The following PHF24 variants were observed in gnomAD, a reference collection of about 807,000 sequenced individuals.
The protein encoded by PHF24 is PHD finger protein 24, also known as Galpha inhibitory interacting protein.
Under a neutral mutation model 42.6 loss-of-function variants are expected in PHF24, and 25 were observed. That is an observed-to-expected ratio of 0.59 (90% CI 0.43 to 0.82). The LOEUF (loss-of-function observed/expected upper bound fraction) is 0.82, where lower values mean the gene tolerates loss of function less well. PHF24 is among the 40% of genes least tolerant of loss of function. The pLI, the probability that PHF24 is intolerant of heterozygous loss-of-function variation, is 0.00. For missense variants in PHF24, 470 were observed against 538.1 expected (o/e 0.87, Z 1.25); for synonymous variants, 185 against 204.8 (o/e 0.90, Z 0.83).
the PHF24 span, among the ~76,000 whole-genome samples, chr9:34,787,107 C>A: frequency 6.6e-6 from 1 of 151,846 alleles, no homozygotes; most frequent in African/African-American, 2.4e-5. Flanking sequence ...CAAAGGGGAC[C>A]CAAATACATT....
At chr9:34,877,773 T>C in the PHF24 span, among the ~76,000 whole-genome samples, 3 of 152,092 alleles carry the variant, frequency 2.0e-5, no homozygotes, top group Non-Finnish European at 2.9e-5. Flanking sequence ...ATGTGCAGAA[T>C]GTGCAGTTTT....
At chr9:34,936,785 T>A in the PHF24 span, among the ~76,000 whole-genome samples, 2 of 136,722 alleles carry the variant, frequency 1.5e-5, no homozygotes, top group Non-Finnish European at 3.1e-5. Flanking sequence ...GTGAGGACCG[T>A]CTCTGCCCAG....
the PHF24 span, among the ~76,000 whole-genome samples, chr9:34,886,377 TG>T: frequency 6.6e-6 from 1 of 152,180 alleles, no homozygotes; most frequent in Non-Finnish European, 1.5e-5. Flanking sequence ...CATTATCTCT[TG>T]AATCCACTCC....
At chr9:34,666,580 A>ATTTTTTTTTTTT in the PHF24 span, among the ~76,000 whole-genome samples, 1 of 134,556 alleles carries the variant, frequency 7.4e-6, no homozygotes. Flanking sequence ...TGCTACATTC[A>ATTTTTTTTTTTT]TTCAATCAAC....
At chr9:34,782,100 A>T in the PHF24 span, among the ~76,000 whole-genome samples, 1 of 152,208 alleles carries the variant, frequency 6.6e-6, no homozygotes, top group Admixed American at 6.5e-5. Flanking sequence ...GATGAAACTG[A>T]GGGAGTAAAT....
chr9:34,671,017 G>A, the PHF24 span, among the ~76,000 whole-genome samples: 2 of 152,208 alleles, frequency 1.3e-5, no homozygotes, highest in African/African-American at 4.8e-5. Flanking sequence ...AGCAGGTTCA[G>A]CTCCCCTATC....
the PHF24 span, among the ~76,000 whole-genome samples, chr9:34,909,263 T>C: frequency 6.6e-6 from 1 of 152,182 alleles, no homozygotes; most frequent in Non-Finnish European, 1.5e-5. Flanking sequence ...TATACCTGGC[T>C]CTTCCCTTAT....
the PHF24 span, among the ~76,000 whole-genome samples, chr9:34,749,783 C>T: frequency 2.6e-5 from 4 of 150,956 alleles, no homozygotes; most frequent in African/African-American, 9.8e-5. Context: ...TGCCCCCCAT[C>T]CCCCGCTGTC....
At chr9:34,888,027 A>G in the PHF24 span, among the ~76,000 whole-genome samples, 2 of 152,048 alleles carry the variant, frequency 1.3e-5, no homozygotes, top group South Asian at 4.2e-4. Context: ...GGGTTTCTCC[A>G]GTGAGTCACT....
At chr9:34,875,895 G>A in the PHF24 span, among the ~76,000 whole-genome samples, 9 of 139,452 alleles carry the variant, frequency 6.5e-5, no homozygotes, top group South Asian at 2.4e-4. Context: ...GCAAAAGCTC[G>A]TCTCTCTCTC....
At chr9:34,867,987 T>C in the PHF24 span, among the ~76,000 whole-genome samples, 4 of 152,172 alleles carry the variant, frequency 2.6e-5, no homozygotes, top group South Asian at 4.1e-4. Context: ...CAGGGGACTG[T>C]TGATTTTGGT....
the PHF24 span, among the ~76,000 whole-genome samples, chr9:34,815,662 A>G: frequency 6.6e-6 from 1 of 152,094 alleles, no homozygotes; most frequent in African/African-American, 2.4e-5. Context: ...TTCTGCCCTC[A>G]CAGATCCCAT....
chr9:34,847,093 G>T, the PHF24 span, among the ~76,000 whole-genome samples: 1 of 152,042 alleles, frequency 6.6e-6, no homozygotes, highest in Non-Finnish European at 1.5e-5. Flanking sequence ...GCTCTTTTTT[G>T]GTTCCATATG....
the PHF24 span, chr9:34,725,914 C>T: frequency 5.8e-6 from 9 of 1,551,888 alleles, no homozygotes; most frequent in South Asian, 1.2e-5. Flanking sequence ...CAACCAGGGA[C>T]TCACTGTGCA....
chr9:34,902,650 T>C, the PHF24 span, among the ~76,000 whole-genome samples: 1 of 147,642 alleles, frequency 6.8e-6, no homozygotes, highest in African/African-American at 2.5e-5. Context: ...TAAGACCCTG[T>C]CTCAAAAAAA....
At chr9:34,813,751 G>T in the PHF24 span, among the ~76,000 whole-genome samples, 1 of 152,306 alleles carries the variant, frequency 6.6e-6, no homozygotes, top group East Asian at 1.9e-4. Context: ...TCATGGGAGT[G>T]ACTTCTGCTC....
At chr9:34,731,082 C>T in the PHF24 span, among the ~76,000 whole-genome samples, 1 of 152,150 alleles carries the variant, frequency 6.6e-6, no homozygotes, top group African/African-American at 2.4e-5. Flanking sequence ...TCTCTCATCC[C>T]TGTCTCCTCC....
the PHF24 span, among the ~76,000 whole-genome samples, chr9:34,848,594 ATTTCCTTCAGTTCTGCTC>A: frequency 1.3e-5 from 2 of 151,312 alleles, no homozygotes; most frequent in Non-Finnish European, 2.9e-5. Context: ...TTGTGTCTCT[ATTTCCTTCAGTTCTGCTC>A]TGATTTTAGT....
chr9:34,970,275 C>T (rs1203477339), intron 1 of PHF24, among the ~76,000 whole-genome samples: 1 of 152,180 alleles, frequency 6.6e-6, no homozygotes, highest in African/African-American at 2.4e-5. Context: ...CAGAGAAGAG[C>T]AGGTCTGATG....
Sources: gnomAD v4.1 joint callset for allele counts (sites outside exome capture counted in the v4.1 genomes callset) on GRCh38, gnomAD v4.1.1 for gene constraint, MANE v1.5 for transcripts, NCBI Gene and HGNC (gene_info 2026-07-23, HGNC 2026-07-21) for gene names.